Variants in KCNG4 observed in about 807,000 individuals in gnomAD.
KCNG4 encodes voltage-gated potassium channel regulatory subunit KCNG4.
A neutral mutation model predicts 28.2 loss-of-function variants in KCNG4; 30 were observed. The observed-to-expected ratio is 1.06, with a 90% CI of 0.80 to 1.44. The LOEUF is 1.44. KCNG4 is among the 40% of genes most tolerant of loss of function. The pLI, the probability that KCNG4 is intolerant of heterozygous loss-of-function variation, is 0.00. For missense variants in KCNG4, 879 were observed against 712.3 expected, an observed-to-expected ratio of 1.23 and a Z score of -2.66; for synonymous variants, 375 against 315.5, an observed-to-expected ratio of 1.19 and a Z score of -2.00.
At position 84,222,535 on chromosome 16, in the gene KCNG4, G is replaced by C; in HGVS notation, c.1242C>G (p.Ile414Met). The C allele has an allele frequency of 6.2e-7, 1 of 1,613,660 alleles. No homozygotes were observed. The highest frequency in any genetic ancestry group is 8.5e-7 in the Non-Finnish European group (1 of 1,179,980). Residue 414 changes from isoleucine to methionine, a missense_variant, in exon 3 of 3, where the codon ATC becomes ATG. Ile to Met is a conservative substitution (Grantham distance 10). Coordinates refer to ENST00000308251, the MANE Select transcript of KCNG4 (RefSeq NM_172347.3). The stretch of plus-strand genomic sequence containing the variant: ...CCCCGTAGCCCACCGTTGTCATGGA[G>C]ATGATGGCCCACCAATAGGAGGCGG... ...SIPASYWWAIISMTTVGYGDM... is the reference protein window; with the variant it reads ...SIPASYWWAIMSMTTVGYGDM...
At position 84,237,284 on chromosome 16, in the gene KCNG4, T is replaced by A; in HGVS notation, c.202A>T (p.Arg68Trp). ...GTGCTCCAGGGGAGGAGATACCTCC[T>A]GCCCCCCACGTTGATCAGGATCTCC... Reference protein sequence around the residue: ...KKEILINVGGRRYLLPWSTLD... With the variant: ...KKEILINVGGWRYLLPWSTLD... Residue 68 changes from arginine (R) to tryptophan (W), a missense_variant, in exon 2 of 3, where the codon AGG (arginine) becomes TGG (tryptophan). Coordinates refer to ENST00000308251, the MANE Select transcript of KCNG4 (RefSeq NM_172347.3). The A allele has an allele frequency of 6.2e-7, 1 of 1,607,368 alleles. No individual in the cohort carries two copies. Among genetic ancestry groups the A allele is most frequent in the Non-Finnish European group, 8.5e-7 (1 of 1,175,828 alleles).
At position 84,222,209 on chromosome 16, in the gene KCNG4, G is replaced by T. The variant is rs746742742; in HGVS notation, c.*8C>A. On this transcript the variant is annotated 3_prime_UTR_variant, in exon 3 of 3. Transcript: ENST00000308251. ...TGAGGTTACCATGTAGTCATGGGGG[G>T]TGCTGAGTTACATGTGCATGATAGG... is the stretch of plus-strand genomic sequence containing the variant. 5.6e-6 allele frequency: 9 copies of T among 1,613,328 alleles called. No homozygotes were observed. Among genetic ancestry groups the T allele is most frequent in the African/African-American group, 2.7e-5 (2 of 74,908 alleles).
chr16:84,232,639 C>A (rs1904852884), intron 2 of KCNG4, among the ~76,000 whole-genome samples: 1 of 152,106 alleles, frequency 6.6e-6, no homozygotes, highest in Admixed American at 6.6e-5. Context: ...GTGACTCACG[C>A]CTATAATCCC....
chr16:84,222,843 C>A lies in KCNG4; in HGVS notation c.934G>T (p.Val312Leu), dbSNP rs532932954. The stretch of plus-strand genomic sequence containing the variant: ...CCGTCCTCCGGGGGCTCCTCAGACA[C>A]CGCCAGCGACACGTAGTATGGGGAG... ...AISPYYVSLA[V>L]SEEPPEDGER... Residue 312 changes from valine to leucine, a missense_variant, in exon 3 of 3, where the codon GTG (valine) becomes TTG (leucine). Physicochemically the swap from Val to Leu is conservative, Grantham distance 32. Transcript: ENST00000308251. 1 of 1,610,856 alleles carries A rather than the reference C, an allele frequency of 6.2e-7. No individual in the cohort carries two copies. The highest frequency in any genetic ancestry group is 8.5e-7 in the Non-Finnish European group (1 of 1,177,754).
chr16:84,232,924 G>A (rs1316655154), intron 2 of KCNG4, among the ~76,000 whole-genome samples: 1 of 149,054 alleles, frequency 6.7e-6, no homozygotes, highest in African/African-American at 2.5e-5. Context: ...AAATAGAGCA[G>A]GGCTGCTCAG....
chr16:84,231,966 T>C (rs2151338757), intron 2 of KCNG4, among the ~76,000 whole-genome samples: 1 of 140,456 alleles, frequency 7.1e-6, no homozygotes, highest in South Asian at 2.2e-4. Flanking sequence ...ATCACACCAC[T>C]GCACTCCAAC....
chr16:84,236,947 C>A lies in KCNG4; in HGVS notation c.539G>T (p.Arg180Met), dbSNP rs1303286150. 1.2e-6 allele frequency: 2 copies of A among 1,612,662 alleles called. No homozygotes were observed. The highest frequency in any genetic ancestry group is 1.7e-6 in the Non-Finnish European group (2 of 1,179,816). ...EELEELAKLHREDVLRQQRET... is the reference protein window; with the variant it reads ...EELEELAKLHMEDVLRQQRET... ...CCTCTGCTGCCTCAGTACGTCCTCC[C>A]TGTGCAGCTTGGCCAGCTCCTCCAG... Residue 180 changes from arginine (R) to methionine (M), a missense_variant, in exon 2 of 3, where the codon AGG becomes ATG. Coordinates refer to ENST00000308251, the MANE Select transcript of KCNG4 (RefSeq NM_172347.3).
Position 84,237,238 on chromosome 16 carries a change from C to G in KCNG4, c.248G>C (p.Ser83Thr), listed in dbSNP as rs1215582222. 3.1e-6 allele frequency: 5 copies of G among 1,614,064 alleles called. No homozygotes were observed. The highest frequency in any genetic ancestry group is 3.4e-6 in the Non-Finnish European group (4 of 1,180,008). ...ACAGAGCCTGAGTTTGCTCAGGCGG[C>G]TCAGCGGGAACCGGTCCAGTGTGCT... Reference protein sequence around the residue: ...PWSTLDRFPLSRLSKLRLCRS... With the variant: ...PWSTLDRFPLTRLSKLRLCRS... The change falls in exon 2 of 3, where the codon AGC becomes ACC. Residue 83 changes from serine (S) to threonine (T), a missense_variant. Coordinates refer to ENST00000308251, the MANE Select transcript of KCNG4 (RefSeq NM_172347.3).
intron 1 of KCNG4, among the ~76,000 whole-genome samples, chr16:84,239,219 T>C (rs77941025): frequency 0.014 from 2,135 of 152,282 alleles, 59 homozygotes; most frequent in African/African-American, 0.049. Flanking sequence ...ACACTCTTGC[T>C]CCCTACACAA....
rs36124957 is a variant in KCNG4 at position 84,239,777 on chromosome 16, G to GA, written c.-149dup. 0.48 allele frequency: 73,221 copies of GA among 151,528 alleles called. 17,989 individuals are homozygous for GA. The highest frequency in any genetic ancestry group is 0.54 in the South Asian group (2,605 of 4,790). The allele number at this position is 151,528 out of a possible 1,614,324, so 9.4% of individuals were successfully genotyped here. A position where few individuals can be genotyped will look rare whatever the true frequency, so the allele number is the denominator to read the frequency against. ...GGTTTCTGGTGGAGATGAAGGGGAA[G>GA]AAAAAAATCCCCAAAACAGCAGTTT... On this transcript the variant is annotated 5_prime_UTR_variant, in exon 1 of 3. An upstream open reading frame in the 5' UTR loses its in-frame stop. Coordinates refer to ENST00000308251, the MANE Select transcript of KCNG4 (RefSeq NM_172347.3).
intron 1 of KCNG4, among the ~76,000 whole-genome samples, chr16:84,238,017 G>C (rs1411218659): frequency 6.6e-6 from 1 of 152,186 alleles, no homozygotes; most frequent in Non-Finnish European, 1.5e-5. Context: ...CAGCACAGGT[G>C]GGTTACTCAG....
intron 2 of KCNG4, among the ~76,000 whole-genome samples, chr16:84,233,094 G>A (rs960789674): frequency 4.6e-5 from 7 of 151,010 alleles, no homozygotes; most frequent in African/African-American, 1.7e-4. Flanking sequence ...AATGAATGAT[G>A]ATCAGTATGA....
chr16:84,234,071 G>T (rs1904885831), intron 2 of KCNG4, among the ~76,000 whole-genome samples: 1 of 152,204 alleles, frequency 6.6e-6, no homozygotes, highest in Non-Finnish European at 1.5e-5. Context: ...TCCTTTTGGG[G>T]AAGAGTCCCC....
At position 84,223,020 on chromosome 16, in the gene KCNG4, C is replaced by T; in HGVS notation, c.757G>A (p.Gly253Ser). 4 of 1,519,542 alleles carry T rather than the reference C, an allele frequency of 2.6e-6. No homozygotes were observed. The highest frequency in any genetic ancestry group is 3.5e-6 in the Non-Finnish European group (4 of 1,133,562). 94.1% of individuals were successfully genotyped at this position (1,519,542 alleles called of 1,614,324 possible). A position where few individuals can be genotyped will look rare whatever the true frequency, so the allele number is the denominator to read the frequency against. Residue 253 changes from glycine (G) to serine (S), a missense_variant and splice_region_variant, in exon 3 of 3, where the codon GGC (glycine) becomes AGC (serine). Physicochemically the swap from Gly to Ser is moderately conservative, Grantham distance 56. Transcript: ENST00000308251. ...MPDLRAEEDQGECSRKCYYIF... is the reference protein window; with the variant it reads ...MPDLRAEEDQSECSRKCYYIF... ...TAGTAGCACTTCCGAGAGCATTCGC[C>T]CTGCGGGGAGAAGAGGCAACAACGC...
Position 84,237,267 on chromosome 16 carries a change from G to A in KCNG4, c.219C>T (p.Pro73=), listed in dbSNP as rs1904991849. ...GCGGGAACCGGTCCAGTGTGCTCCA[G>A]GGGAGGAGATACCTCCTGCCCCCCA... ...INVGGRRYLL[P]WSTLDRFPLS... is the part of the protein sequence containing the mutation. The change falls in exon 2 of 3, where the codon CCC becomes CCT. Residue 73 remains proline (P), a synonymous_variant. Coordinates refer to ENST00000308251, the MANE Select transcript of KCNG4 (RefSeq NM_172347.3). 1 of 1,612,014 alleles carries A rather than the reference G, an allele frequency of 6.2e-7. No individual in the cohort carries two copies. The highest frequency in any genetic ancestry group is 8.5e-7 in the Non-Finnish European group (1 of 1,178,662).
Position 84,222,603 on chromosome 16 carries a change from C to G in KCNG4, c.1174G>C (p.Ala392Pro), listed in dbSNP as rs775256757. 1 of 1,613,314 alleles carries G rather than the reference C, an allele frequency of 6.2e-7. No homozygotes were observed. Among genetic ancestry groups the G allele is most frequent in the Non-Finnish European group, 8.5e-7 (1 of 1,179,978 alleles). The stretch of plus-strand genomic sequence containing the variant: ...AGCACCCGCCCGGACTCCTTCTCGG[C>G]CACGTAGACCAAAGGGGAGAAGAGG... ...ITLFSPLVYVAEKESGRVLEF... is the reference protein window; with the variant it reads ...ITLFSPLVYVPEKESGRVLEF... The change falls in exon 3 of 3, where the codon GCC (alanine) becomes CCC (proline). Residue 392 changes from alanine to proline, a missense_variant. Physicochemically the swap from Ala to Pro is conservative, Grantham distance 27. Coordinates refer to ENST00000308251, the MANE Select transcript of KCNG4 (RefSeq NM_172347.3).
intron 2 of KCNG4, among the ~76,000 whole-genome samples, chr16:84,225,452 GC>G (rs1416966285): frequency 1.3e-5 from 2 of 152,092 alleles, no homozygotes; most frequent in African/African-American, 2.4e-5. Flanking sequence ...AGATTCTTGG[GC>G]CCCCATCACA....
At chr16:84,234,823 G>T (rs1325051457) in intron 2 of KCNG4, among the ~76,000 whole-genome samples, 1 of 152,122 alleles carries the variant, frequency 6.6e-6, no homozygotes, top group African/African-American at 2.4e-5. Flanking sequence ...CCAGGAAGAG[G>T]ACATCATCCT....
intron 2 of KCNG4, among the ~76,000 whole-genome samples, chr16:84,223,445 C>T (rs565077432): frequency 2.5e-3 from 387 of 152,320 alleles, no homozygotes; most frequent in African/African-American, 9.1e-3. Flanking sequence ...GTTGTCGATA[C>T]TCACCTACAT....
Sources: allele counts gnomAD v4.1 joint callset (sites outside exome capture counted in the v4.1 genomes callset), GRCh38; gene constraint gnomAD v4.1.1; transcripts MANE v1.5; gene names NCBI Gene and HGNC (gene_info 2026-07-23, HGNC 2026-07-21).